PEX10: variants seen among roughly 807,000 people sequenced by gnomAD.
The protein encoded by PEX10 is peroxisomal biogenesis factor 10, also known as peroxisome biogenesis factor 10.
In PEX10, 32 loss-of-function variants were observed where a neutral mutation model predicts 38.0. The observed-to-expected ratio is 0.84, with a 90% CI of 0.63 to 1.13. The LOEUF is 1.13. PEX10 is among the 50% of genes most tolerant of loss of function. The pLI, the probability that PEX10 is intolerant of heterozygous loss-of-function variation, is 0.00. For missense variants in PEX10, 483 were observed against 457.7 expected (o/e 1.06, Z -0.51); for synonymous variants, 206 against 207.3 (o/e 0.99, Z 0.05).
chr1:2,404,060 T>C lies in PEX10; in HGVS notation c.*1706A>G, dbSNP rs1642918283. On this transcript the variant is annotated 3_prime_UTR_variant, in exon 6 of 6. Coordinates refer to ENST00000447513, the MANE Select transcript of PEX10 (RefSeq NM_002617.4). ...AAAGCCCACCTTTTGTTTGGCCTTTTCGAAAGGTGACCCATATTGCACAGC... is the reference window on the plus strand; with the variant it reads ...AAAGCCCACCTTTTGTTTGGCCTTTCCGAAAGGTGACCCATATTGCACAGC... The C allele has an allele frequency of 6.6e-6, 1 of 152,254 alleles. No homozygotes were observed. Among genetic ancestry groups the C allele is most frequent in the Admixed American group, 6.5e-5 (1 of 15,282 alleles). The allele number at this position is 152,254 out of a possible 1,614,324, so 9.4% of individuals were successfully genotyped here.
intron 3 of PEX10, among the ~76,000 whole-genome samples, chr1:2,407,262 C>T (rs1643041834): frequency 6.6e-6 from 1 of 152,178 alleles, no homozygotes; most frequent in Non-Finnish European, 1.5e-5. Context: ...CACCAGCTAC[C>T]CTGCTACAGG....
upstream of PEX10, chr1:2,412,696 C>T: frequency 2.7e-6 from 1 of 372,452 alleles, no homozygotes; most frequent in Non-Finnish European, 4.7e-6. Flanking sequence ...CGAACCAGCG[C>T]AGCGCGGGGC....
chr1:2,408,938 C>T, intron 2 of PEX10, 80 bp from the exon 3 acceptor site: 2 of 1,382,618 alleles, frequency 1.4e-6, no homozygotes, highest in Non-Finnish European at 2.0e-6. Flanking sequence ...CCAGCCGACC[C>T]TCTGCTGGCT....
In PEX10 at chr1:2,406,617, G is replaced by T. The variant is rs747171383; in HGVS notation, c.779C>A (p.Ala260Asp). Reference sequence around the variant, plus strand: ...GGAAACGGCTCTCTCCTCCAAGGAGGCCCTGGGGAAGGTGGGGCAGAGCGT... The same window carrying T: ...GGAAACGGCTCTCTCCTCCAAGGAGTCCCTGGGGAAGGTGGGGCAGAGCGT... ...RLHRGLSHRR[A>D]SLEERAVSRN... Residue 260 changes from alanine (A) to aspartate (D), a missense_variant and splice_region_variant, in exon 5 of 6, where the codon GCC becomes GAC. Coordinates refer to ENST00000447513, the MANE Select transcript of PEX10 (RefSeq NM_002617.4). 99 of 1,613,198 alleles carry T rather than the reference G, an allele frequency of 6.1e-5. No homozygotes were observed. Among genetic ancestry groups the T allele is most frequent in the Non-Finnish European group, 8.1e-5 (96 of 1,179,840 alleles).
intron 5 of PEX10, 46 bp downstream of exon 5, chr1:2,406,438 G>A: frequency 6.2e-7 from 1 of 1,604,082 alleles, no homozygotes; most frequent in South Asian, 1.1e-5. Flanking sequence ...CATCTTGCCG[G>A]CACAGCCGCT....
chr1:2,405,893 A>T, intron 5 of PEX10, 59 bp from the exon 6 acceptor site: 2 of 1,341,072 alleles, frequency 1.5e-6, no homozygotes, highest in Non-Finnish European at 2.1e-6. Context: ...GCCCATCCCC[A>T]TCGGCATTTC....
rs1643094816 is a variant in PEX10, at chr1:2,408,799, G to A, written c.253C>T (p.His85Tyr). The stretch of plus-strand genomic sequence containing the variant: ...CCACGGCGCAGCGAGGAGGGCACAT[G>A]TATCCGCGATGGGTCCACCTGGATG... Reference protein sequence around the residue: ...SIIQVDPSRIHVPSSLRRGVL... With the variant: ...SIIQVDPSRIYVPSSLRRGVL... Residue 85 changes from histidine (H) to tyrosine (Y), a missense_variant, in exon 3 of 6, where the codon CAT becomes TAT. Physicochemically the swap from His to Tyr is moderately conservative, Grantham distance 83. Transcript: ENST00000447513. The A allele has an allele frequency of 1.9e-6, 3 of 1,614,054 alleles. No homozygotes were observed. The highest frequency in any genetic ancestry group is 4.5e-5 in the East Asian group (2 of 44,872).
Position 2,408,901 on chromosome 1 carries a change from C to T in PEX10, c.194-43G>A, listed in dbSNP as rs568518336. The T allele has an allele frequency of 2.0e-5, 32 of 1,601,474 alleles. No individual in the cohort carries two copies. In the South Asian group the frequency reaches 2.7e-4, roughly 13 times the overall value. On this transcript the variant is annotated intron_variant, in intron 2 of 5. Coordinates refer to ENST00000447513, the MANE Select transcript of PEX10 (RefSeq NM_002617.4). ...GGTATGTGGACCCTGAGACTGCTGCCGCGGGGACAGGCTCCCGGCGCCCCT... is the reference window on the plus strand; with the variant it reads ...GGTATGTGGACCCTGAGACTGCTGCTGCGGGGACAGGCTCCCGGCGCCCCT...
At chr1:2,406,386 G>A (rs977297575) in intron 5 of PEX10, 98 bp downstream of exon 5, 24 of 1,505,980 alleles carry the variant, frequency 1.6e-5, no homozygotes, top group African/African-American at 6.8e-5. Flanking sequence ...AAAACTGGAG[G>A]GTGCTCAGAG....
At chr1:2,412,151 G>GC (rs963201119) in intron 1 of PEX10, among the ~76,000 whole-genome samples, 21 of 152,242 alleles carry the variant, frequency 1.4e-4, no homozygotes, top group African/African-American at 4.8e-4. Flanking sequence ...GGAACTGGAG[G>GC]CCCACGCAGG....
rs748431314 is a variant in PEX10 at position 2,406,491 on chromosome 1, C to T, written c.905G>A (p.Ser302Asn). The change falls in exon 5 of 6, where the codon AGC becomes AAC. Residue 302 changes from serine (S) to asparagine (N), a missense_variant. Transcript: ENST00000447513. ...AGCAGGCTCCCACCTCACCTTGCTG[C>T]TGCACCACGCGGTGATGCACTCCCA... is the stretch of plus-strand genomic sequence containing the variant. ...FCWECITAWC[S>N]SKAECPLCRE... 47 of 1,611,934 alleles carry T rather than the reference C, an allele frequency of 2.9e-5. No individual in the cohort carries two copies. The highest frequency in any genetic ancestry group is 1.8e-4 in the Middle Eastern group (1 of 5,612).
At chr1:2,412,268 C>G (rs934759180) in intron 1 of PEX10, 123 bp downstream of exon 1, 3 of 1,241,532 alleles carry the variant, frequency 2.4e-6, no homozygotes, top group Non-Finnish European at 3.0e-6. Flanking sequence ...AGGAGACTGC[C>G]GGGTCCCAGG....
In PEX10 at chr1:2,410,563, T is replaced by C; in HGVS notation, c.113-112A>G. ...CCCAGATCCAGTCCCACCCCTTCCA[T>C]GAAGCCAACACTCACTCCCTGGCCT... is the stretch of plus-strand genomic sequence containing the variant. On this transcript the variant is annotated intron_variant, in intron 1 of 5. Transcript: ENST00000447513. The surrounding 1 kb of genome is among the most constrained non-coding windows in gnomAD (Gnocchi z 5.1). 5.6e-6 allele frequency: 5 copies of C among 891,984 alleles called. No homozygotes were observed. Among genetic ancestry groups the C allele is most frequent in the South Asian group, 2.8e-5 (2 of 71,104 alleles). The allele number at this position is 891,984 out of a possible 1,614,324, so 55.3% of individuals were successfully genotyped here. A position where few individuals can be genotyped will look rare whatever the true frequency, so the allele number is the denominator to read the frequency against.
In PEX10 at chr1:2,405,340, C is replaced by T. The variant is rs1180468139; in HGVS notation, c.*426G>A. The T allele has an allele frequency of 5.9e-6, 2 of 337,408 alleles. No homozygotes were observed. The highest frequency in any genetic ancestry group is 1.2e-5 in the Non-Finnish European group (2 of 173,570). 20.9% of individuals were successfully genotyped at this position (337,408 alleles called of 1,614,324 possible). ...GCAACCCGCCAGCCTCCGTGCCCCACCCCACCCAGCACGCACTCATTCAGT... is the reference window on the plus strand; with the variant it reads ...GCAACCCGCCAGCCTCCGTGCCCCATCCCACCCAGCACGCACTCATTCAGT... On this transcript the variant is annotated 3_prime_UTR_variant, in exon 6 of 6. Coordinates refer to ENST00000447513, the MANE Select transcript of PEX10 (RefSeq NM_002617.4).
upstream of PEX10, chr1:2,412,586 GCTCTGCGTGCGGCGCAGAC>G (rs1461897434): frequency 8.4e-6 from 9 of 1,074,838 alleles, no homozygotes; most frequent in South Asian, 1.4e-4. Flanking sequence ...GCACGACGTG[GCTCTGCGTGCGGCGCAGAC>G]CTCTGCGTCA....
rs1402986327 is a variant in PEX10 at position 2,410,134 on chromosome 1, C to T, written c.193+237G>A. On this transcript the variant is annotated intron_variant, in intron 2 of 5. Coordinates refer to ENST00000447513, the MANE Select transcript of PEX10 (RefSeq NM_002617.4). The surrounding 1 kb of genome is among the most constrained non-coding windows in gnomAD (Gnocchi z 5.1). ...CTGAGAAATGGGTCTCAGTGGCACC[C>T]GGGGTAAAGTCTTAAACAAAGAACC... 1.3e-5 allele frequency: 7 copies of T among 521,458 alleles called. No homozygotes were observed. The highest frequency in any genetic ancestry group is 5.8e-5 in the African/African-American group (3 of 51,844). 32.3% of individuals were successfully genotyped at this position (521,458 alleles called of 1,614,324 possible).
chr1:2,410,522 C>CAT lies in PEX10; in HGVS notation c.113-72_113-71insAT. The CAT allele has an allele frequency of 7.3e-7, 1 of 1,369,026 alleles. No homozygotes were observed. Among genetic ancestry groups the CAT allele is most frequent in the Non-Finnish European group, 1.0e-6 (1 of 971,476 alleles). The allele number at this position is 1,369,026 out of a possible 1,614,324, so 84.8% of individuals were successfully genotyped here. ...TCTGAGGATGAGGGACCACAGTCCT[C>CAT]CCCCAGTTGTCTAGGCCCAGATCCA... is the stretch of plus-strand genomic sequence containing the variant. On this transcript the variant is annotated intron_variant, in intron 1 of 5. Transcript: ENST00000447513. This position sits in a 1 kb window ranked among gnomAD's most constrained non-coding sequence, Gnocchi z 5.1.
chr1:2,412,473 C>T lies in PEX10; in HGVS notation c.30G>A (p.Glu10=), dbSNP rs1643274987. The change falls in exon 1 of 6, where the codon GAG becomes GAA. Residue 10 remains glutamate (E), a synonymous_variant. Coordinates refer to ENST00000447513, the MANE Select transcript of PEX10 (RefSeq NM_002617.4). MAPAAASPP[E]VIRAAQKDEY... ...CGTCCTTCTGCGCCGCGCGGATCAC[C>T]TCCGGGGGGCTGGCGGCGGCCGGGG... 2 of 1,393,862 alleles carry T rather than the reference C, an allele frequency of 1.4e-6. No individual in the cohort carries two copies. Among genetic ancestry groups the T allele is most frequent in the Non-Finnish European group, 1.9e-6 (2 of 1,077,044 alleles). The allele number at this position is 1,393,862 out of a possible 1,614,324, so 86.3% of individuals were successfully genotyped here.
chr1:2,406,068 C>A (rs529835967), intron 5 of PEX10, among the ~76,000 whole-genome samples: 54 of 152,132 alleles, frequency 3.5e-4, no homozygotes, highest in Non-Finnish European at 5.9e-4. Context: ...CCGGGAGGTT[C>A]CCTCCTGCTC....
Sources: allele counts gnomAD v4.1 joint callset (sites outside exome capture counted in the v4.1 genomes callset), GRCh38; gene constraint gnomAD v4.1.1; non-coding constraint Gnocchi (gnomAD v3.1); transcripts MANE v1.5; gene names NCBI Gene and HGNC (gene_info 2026-07-23, HGNC 2026-07-21).